Variants in ACTR3C observed in about 807,000 individuals in gnomAD.
The protein encoded by ACTR3C is actin-related protein 3C.
In ACTR3C, 18 loss-of-function variants were observed where a neutral mutation model predicts 26.3. That is an observed-to-expected ratio of 0.68 (90% CI 0.47 to 1.01). ACTR3C has a LOEUF of 1.01. Ranked by LOEUF, ACTR3C falls within the 50% of genes least tolerant of loss-of-function variation. The pLI is 0.00. For synonymous variants in ACTR3C, 55 were observed against 94.5 expected (o/e 0.58, Z 2.42); for missense variants, 184 against 250.7 (o/e 0.73, Z 1.80).
At chr7:149,964,580 G>A in the ACTR3C span, among the ~76,000 whole-genome samples, 1 of 152,204 alleles carries the variant, frequency 6.6e-6, no homozygotes, top group South Asian at 2.1e-4. Context: ...GTGGCCCATG[G>A]CAGGTGCCCT....
chr7:150,033,920 G>A, the ACTR3C span, among the ~76,000 whole-genome samples: 5 of 151,180 alleles, frequency 3.3e-5, no homozygotes, highest in African/African-American at 9.7e-5. Context: ...GTCGCGAGGG[G>A]TGCCTCCCCC....
the ACTR3C span, among the ~76,000 whole-genome samples, chr7:150,160,733 G>C: frequency 6.6e-6 from 1 of 151,972 alleles, no homozygotes; most frequent in East Asian, 1.9e-4. Flanking sequence ...GCTGGAAATT[G>C]AGTCTCACAC....
the ACTR3C span, among the ~76,000 whole-genome samples, chr7:149,909,964 C>T: frequency 1.4e-5 from 2 of 146,746 alleles, no homozygotes; most frequent in Non-Finnish European, 3.0e-5. Flanking sequence ...ATATAAATTA[C>T]ATTTATGCAT....
At chr7:150,101,664 G>A in the ACTR3C span, among the ~76,000 whole-genome samples, 3 of 151,694 alleles carry the variant, frequency 2.0e-5, no homozygotes, top group South Asian at 2.1e-4. Context: ...ATCAGTCATC[G>A]GCCAGCCACG....
At chr7:150,148,728 T>C in the ACTR3C span, among the ~76,000 whole-genome samples, 1 of 152,198 alleles carries the variant, frequency 6.6e-6, no homozygotes, top group Non-Finnish European at 1.5e-5. Flanking sequence ...CTGATAGCTG[T>C]AGCTTTTCCC....
At chr7:150,070,647 TGCC>T in the ACTR3C span, among the ~76,000 whole-genome samples, 685 of 152,196 alleles carry the variant, frequency 4.5e-3, 8 homozygotes, top group African/African-American at 0.016. Context: ...GATGGGGTTT[TGCC>T]ATGTTGCCCA....
chr7:150,024,573 A>G, the ACTR3C span, among the ~76,000 whole-genome samples: 1 of 150,240 alleles, frequency 6.7e-6, no homozygotes, highest in Non-Finnish European at 1.5e-5. Context: ...GCTCATTAGC[A>G]TGGTGCTGGG....
rs1836032407 is a variant in ACTR3C at position 150,289,346 on chromosome 7, G to C, written c.297+104C>G. ...AATCAAGCCCCACACTCATGGGAAG[G>C]GGAGAGGATGGAAAGGAGGGGCAGG... On this transcript the variant is annotated intron_variant, in intron 4 of 7. Transcript: ENST00000683684. 3 of 1,436,816 alleles carry C rather than the reference G, an allele frequency of 2.1e-6. No individual in the cohort carries two copies. The South Asian group carries it at 4.8e-5, about 23-fold the overall frequency. 89.0% of individuals were successfully genotyped at this position (1,436,816 alleles called of 1,614,324 possible).
chr7:150,155,114 G>A, the ACTR3C span, among the ~76,000 whole-genome samples: 1 of 152,158 alleles, frequency 6.6e-6, no homozygotes, highest in African/African-American at 2.4e-5. Context: ...GCTCTTTTAT[G>A]AGCACTTTTC....
the ACTR3C span, among the ~76,000 whole-genome samples, chr7:149,997,499 T>TAGAC: frequency 6.6e-6 from 1 of 152,174 alleles, no homozygotes; most frequent in South Asian, 2.1e-4. Flanking sequence ...AGAGAGTGTC[T>TAGAC]GGTGCCTGGA....
At chr7:150,246,910 C>T (rs1425183231), downstream of ACTR3C, 3 of 152,244 alleles carry the variant, frequency 2.0e-5, no homozygotes, top group African/African-American at 7.2e-5. Flanking sequence ...CTCCCGCCTC[C>T]ACTTCTTGAG....
the ACTR3C span, among the ~76,000 whole-genome samples, chr7:150,191,630 A>G: frequency 6.6e-6 from 1 of 152,206 alleles, no homozygotes. Context: ...GGGTTTTGCC[A>G]TGTAGAAAGT....
the ACTR3C span, among the ~76,000 whole-genome samples, chr7:149,948,479 G>A: frequency 1.3e-5 from 2 of 150,256 alleles, no homozygotes; most frequent in African/African-American, 5.0e-5. Context: ...CAGAGCCTGC[G>A]CGGAACACCT....
the ACTR3C span, among the ~76,000 whole-genome samples, chr7:150,012,079 A>G: frequency 0.048 from 7,332 of 152,268 alleles, 425 homozygotes; most frequent in African/African-American, 0.15. Flanking sequence ...AAAGAAGTTG[A>G]GAATTGGATA....
At chr7:150,091,708 C>T in the ACTR3C span, among the ~76,000 whole-genome samples, 9 of 143,394 alleles carry the variant, frequency 6.3e-5, no homozygotes, top group East Asian at 6.3e-4. Flanking sequence ...CCTGGCCGGG[C>T]GCGGTGGCTC....
chr7:150,088,613 C>A, the ACTR3C span, among the ~76,000 whole-genome samples: 1 of 152,068 alleles, frequency 6.6e-6, no homozygotes, highest in Non-Finnish European at 1.5e-5. Context: ...CCTACTTTGC[C>A]TTTTTGTTAT....
At chr7:150,117,231 GA>G in the ACTR3C span, among the ~76,000 whole-genome samples, 1 of 152,202 alleles carries the variant, frequency 6.6e-6, no homozygotes, top group Non-Finnish European at 1.5e-5. Context: ...CAGTGAGACA[GA>G]ACTGTTCACT....
At chr7:150,313,554 T>C (rs1384892497) in intron 1 of ACTR3C, among the ~76,000 whole-genome samples, 1 of 152,198 alleles carries the variant, frequency 6.6e-6, no homozygotes, top group Non-Finnish European at 1.5e-5. Flanking sequence ...TGGATGTTAA[T>C]TCCGGTTAGC....
the ACTR3C span, among the ~76,000 whole-genome samples, chr7:150,178,282 T>C: frequency 2.8e-5 from 1 of 35,200 alleles, no homozygotes; most frequent in East Asian, 2.2e-3. Flanking sequence ...CAGGAATACT[T>C]TTTTTTTTTT....
Sources: allele counts gnomAD v4.1 joint callset (sites outside exome capture counted in the v4.1 genomes callset), GRCh38; gene constraint gnomAD v4.1.1; transcripts MANE v1.5; gene names NCBI Gene and HGNC (gene_info 2026-07-23, HGNC 2026-07-21).